DNAAF10: variants seen among roughly 807,000 people sequenced by gnomAD.
DNAAF10 encodes the protein WD repeat domain 92.
DNAAF10 carries 28 observed loss-of-function variants against 43.7 expected under a neutral mutation model. That is an observed-to-expected ratio of 0.64 (90% CI 0.48 to 0.88). The LOEUF (loss-of-function observed/expected upper bound fraction) is 0.88, where lower values mean the gene tolerates loss of function less well. DNAAF10 is among the 40% of genes least tolerant of loss of function. DNAAF10 has a pLI of 0.00. For missense variants in DNAAF10, 403 were observed against 439.1 expected (o/e 0.92, Z 0.73); for synonymous variants, 156 against 157.3 (o/e 0.99, Z 0.06).
chr2:68,139,057 A>C (rs1160626740), intron 4 of DNAAF10, among the ~76,000 whole-genome samples, 200 bp from the exon 5 acceptor site: 1 of 152,106 alleles, frequency 6.6e-6, no homozygotes, highest in Non-Finnish European at 1.5e-5. Context: ...GTTTTGTTTA[A>C]ATTTCTGATA....
intron 1 of DNAAF10, among the ~76,000 whole-genome samples, chr2:68,153,619 C>A (rs1308965711): frequency 6.6e-6 from 1 of 152,054 alleles, no homozygotes; most frequent in Non-Finnish European, 1.5e-5. Context: ...AAAACACACA[C>A]ACACAAGCCA....
At chr2:68,140,907 A>G (rs1240163686) in intron 4 of DNAAF10, among the ~76,000 whole-genome samples, 2 of 152,230 alleles carry the variant, frequency 1.3e-5, no homozygotes, top group Non-Finnish European at 2.9e-5. Context: ...CAATACAACA[A>G]TGACTGACAC....
At position 68,130,107 on chromosome 2, in the gene DNAAF10, G is replaced by GATATATATATATATATATAT. The variant is rs70949671; in HGVS notation, c.*1130_*1131insATATATATATATATATATAT. On this transcript the variant is annotated 3_prime_UTR_variant, in exon 8 of 8. Transcript: ENST00000295121. ...ATCTAGACCAACCGTGCCGTTTTGA[G>GATATATATATATATATATAT]AGAGAGAGATATATATATATATATT... 1.1e-3 allele frequency: 130 copies of GATATATATATATATATATAT among 120,330 alleles called. 1 individual carries two copies. Among genetic ancestry groups the GATATATATATATATATATAT allele is most frequent in the African/African-American group, 4.6e-3 (111 of 23,910 alleles). The allele number at this position is 120,330 out of a possible 1,614,324, so 7.5% of individuals were successfully genotyped here.
chr2:68,142,054 G>A (rs965270353), intron 3 of DNAAF10, among the ~76,000 whole-genome samples: 7 of 152,122 alleles, frequency 4.6e-5, no homozygotes, highest in African/African-American at 1.4e-4. Context: ...AGTTATCTAC[G>A]AGTGATGACT....
intron 1 of DNAAF10, among the ~76,000 whole-genome samples, chr2:68,150,841 T>C (rs895714142): frequency 6.6e-6 from 1 of 152,260 alleles, no homozygotes; most frequent in Non-Finnish European, 1.5e-5. Context: ...TCTATCTATT[T>C]ATCTATCTCT....
At chr2:68,153,115 T>C (rs991331936) in intron 1 of DNAAF10, among the ~76,000 whole-genome samples, 18 of 152,126 alleles carry the variant, frequency 1.2e-4, no homozygotes, top group African/African-American at 4.3e-4. Context: ...ATGTAAGGCT[T>C]GATGAAGGAA....
chr2:68,138,199 CAAAA>C (rs1673092386), intron 5 of DNAAF10, among the ~76,000 whole-genome samples: 1 of 151,858 alleles, frequency 6.6e-6, no homozygotes, highest in Non-Finnish European at 1.5e-5. Context: ...AACAAACAAA[CAAAA>C]AACCCATTTT....
intron 5 of DNAAF10, among the ~76,000 whole-genome samples, 196 bp downstream of exon 5, chr2:68,138,546 G>C (rs1256870338): frequency 2.0e-5 from 3 of 152,168 alleles, no homozygotes; most frequent in Admixed American, 6.5e-5. Context: ...ACCACATGTG[G>C]GTGTGAGCTC....
intron 7 of DNAAF10, chr2:68,134,294 C>T (rs1672985663): frequency 2.0e-6 from 2 of 1,011,468 alleles, no homozygotes; most frequent in Non-Finnish European, 2.4e-6. Context: ...GTGATAAGAT[C>T]TTTCCTGGAG....
At chr2:68,153,345 TAAA>T (rs775794947) in intron 1 of DNAAF10, among the ~76,000 whole-genome samples, 4 of 98,744 alleles carry the variant, frequency 4.1e-5, no homozygotes, top group African/African-American at 7.2e-5. Flanking sequence ...AGTGATAAAT[TAAA>T]AAAAAAAAAA....
In DNAAF10 at chr2:68,134,721, C is replaced by T. The variant is rs1477289426; in HGVS notation, c.847G>A (p.Gly283Ser). The change falls in exon 7 of 8, where the codon GGC becomes AGC. Residue 283 changes from glycine to serine, a missense_variant. Transcript: ENST00000295121. ...ELFLTAGGAG[G>S]LHLWKYEYPI... ...ACTTACTACTTCCAGAGGTGAAGGC[C>T]GCCGGCGCCTCCAGCTGTCAGAAAG... 2.5e-6 allele frequency: 4 copies of T among 1,609,202 alleles called. No individual in the cohort carries two copies. The highest frequency in any genetic ancestry group is 1.7e-4 in the Middle Eastern group (1 of 6,040).
chr2:68,130,105 G>GATATATAT lies in DNAAF10; in HGVS notation c.*1132_*1133insATATATAT, dbSNP rs1553397026. 3.0e-4 allele frequency: 13 copies of GATATATAT among 43,042 alleles called. No homozygotes were observed. The highest frequency in any genetic ancestry group is 4.8e-4 in the Admixed American group (2 of 4,170). 2.7% of individuals were successfully genotyped at this position (43,042 alleles called of 1,614,324 possible). A position where few individuals can be genotyped will look rare whatever the true frequency, so the allele number is the denominator to read the frequency against. Reference sequence around the variant, plus strand: ...AAATCTAGACCAACCGTGCCGTTTTGAGAGAGAGAGATATATATATATATA... The same window carrying GATATATAT: ...AAATCTAGACCAACCGTGCCGTTTTGATATATATAGAGAGAGAGATATATATATATATA... On this transcript the variant is annotated 3_prime_UTR_variant, in exon 8 of 8. Transcript: ENST00000295121.
rs376341639 is a variant in DNAAF10 at position 68,157,337 on chromosome 2, A to G, written c.107T>C (p.Met36Thr). Reference protein sequence around the residue: ...WVPCSAKFVTMGNFARGTGVI... With the variant: ...WVPCSAKFVTTGNFARGTGVI... ...GCCGGTGCCCCGTGCGAAGTTGCCC[A>G]TGGTCACAAATTTGGCGCTGCAGGG... The change falls in exon 1 of 8, where the codon ATG becomes ACG. Residue 36 changes from methionine (M) to threonine (T), a missense_variant. By Grantham distance (81) the Met-to-Thr change is moderately conservative. Coordinates refer to ENST00000295121, the MANE Select transcript of DNAAF10 (RefSeq NM_138458.4). 2 of 1,614,026 alleles carry G rather than the reference A, an allele frequency of 1.2e-6. No homozygotes were observed. The highest frequency in any genetic ancestry group is 2.7e-5 in the African/African-American group (2 of 74,910).
chr2:68,137,150 A>G (rs1230020765), intron 6 of DNAAF10, 149 bp downstream of exon 6: 1 of 846,522 alleles, frequency 1.2e-6, no homozygotes, highest in African/African-American at 1.8e-5. Flanking sequence ...CTCTTTGCAC[A>G]GAAAAACTTG....
At chr2:68,135,868 C>A (rs928495996) in intron 6 of DNAAF10, among the ~76,000 whole-genome samples, 1 of 152,084 alleles carries the variant, frequency 6.6e-6, no homozygotes, top group African/African-American at 2.4e-5. Flanking sequence ...TTAAAATACA[C>A]CAGAGTCTTC....
chr2:68,131,354 A>G lies in DNAAF10; in HGVS notation c.958T>C (p.Ser320Pro), dbSNP rs1672928076. Reference protein sequence around the residue: ...SVSLLQNVTLSTQPISSLDWS... With the variant: ...SVSLLQNVTLPTQPISSLDWS... ...TCCAAACTTGAAATGGGCTGGGTGGACAACGTAACATTCTGCAGAAGGCTT... is the reference window on the plus strand; with the variant it reads ...TCCAAACTTGAAATGGGCTGGGTGGGCAACGTAACATTCTGCAGAAGGCTT... The change falls in exon 8 of 8, where the codon TCC becomes CCC. Residue 320 changes from serine (S) to proline (P), a missense_variant. Coordinates refer to ENST00000295121, the MANE Select transcript of DNAAF10 (RefSeq NM_138458.4). 1 of 1,614,178 alleles carries G rather than the reference A, an allele frequency of 6.2e-7. No individual in the cohort carries two copies. Among genetic ancestry groups the G allele is most frequent in the Admixed American group, 1.7e-5 (1 of 60,016 alleles).
At chr2:68,155,756 A>C (rs1213283571) in intron 1 of DNAAF10, among the ~76,000 whole-genome samples, 1 of 151,812 alleles carries the variant, frequency 6.6e-6, no homozygotes, top group African/African-American at 2.4e-5. Flanking sequence ...TTTGTGTAGA[A>C]ATCAGGAAGG....
At chr2:68,149,247 T>C (rs1470985356) in intron 1 of DNAAF10, among the ~76,000 whole-genome samples, 2 of 152,224 alleles carry the variant, frequency 1.3e-5, no homozygotes, top group East Asian at 1.9e-4. Flanking sequence ...CATTATATGG[T>C]ATAGGGCTTT....
chr2:68,134,935 T>C (rs941378707), intron 6 of DNAAF10, 136 bp from the exon 7 acceptor site: 1 of 923,426 alleles, frequency 1.1e-6, no homozygotes, highest in African/African-American at 1.7e-5. Context: ...CTGGCACATC[T>C]CTTTATAATG....
Sources: gnomAD v4.1 joint callset for allele counts (sites outside exome capture counted in the v4.1 genomes callset) on GRCh38, gnomAD v4.1.1 for gene constraint, MANE v1.5 for transcripts, NCBI Gene and HGNC (gene_info 2026-07-23, HGNC 2026-07-21) for gene names.